The following MAGI1 variants were observed in gnomAD, a reference collection of about 807,000 sequenced individuals.
MAGI1 encodes the protein membrane associated guanylate kinase, WW and PDZ domain containing 1.
Under a neutral mutation model 139.9 loss-of-function variants are expected in MAGI1, and 58 were observed. That is an observed-to-expected ratio of 0.41 (90% CI 0.34 to 0.52). MAGI1 has a LOEUF of 0.52. Ranked by LOEUF, MAGI1 falls within the 20% of genes least tolerant of loss-of-function variation. The pLI is 0.12. For missense variants in MAGI1, 1,874 were observed against 1,901.6 expected, an observed-to-expected ratio of 0.99 and a Z score of 0.27; for synonymous variants, 812 against 737.9, an observed-to-expected ratio of 1.10 and a Z score of -1.63.
At chr3:65,671,141 A>G (rs1397860293) in intron 1 of MAGI1, among the ~76,000 whole-genome samples, 1 of 152,194 alleles carries the variant, frequency 6.6e-6, no homozygotes, top group Non-Finnish European at 1.5e-5. Context: ...CATTTTACAG[A>G]TGAGACAACT....
chr3:66,013,381 C>A (rs970492398), intron 1 of MAGI1, among the ~76,000 whole-genome samples: 1 of 128,368 alleles, frequency 7.8e-6, no homozygotes, highest in East Asian at 2.4e-4. Context: ...CCAGCCTGGG[C>A]AATACAGTGA....
intron 1 of MAGI1, among the ~76,000 whole-genome samples, chr3:65,953,501 C>G (rs1197244919): frequency 2.6e-5 from 4 of 152,194 alleles, no homozygotes; most frequent in Non-Finnish European, 4.4e-5. Context: ...ACACGGAAAC[C>G]TGGGTCCCTC....
At chr3:65,742,295 T>C (rs1434745488) in intron 1 of MAGI1, among the ~76,000 whole-genome samples, 2 of 152,120 alleles carry the variant, frequency 1.3e-5, no homozygotes, top group African/African-American at 2.4e-5. Context: ...AAGAAAAAAA[T>C]TCTTAGAACT....
chr3:65,775,706 G>A (rs565567484), intron 1 of MAGI1, among the ~76,000 whole-genome samples: 26 of 151,780 alleles, frequency 1.7e-4, no homozygotes, highest in East Asian at 1.4e-3. Context: ...TTTCAGAGGC[G>A]GAGGTGGGCG....
intron 1 of MAGI1, among the ~76,000 whole-genome samples, chr3:65,773,781 T>C (rs1166893144): frequency 6.6e-6 from 1 of 152,208 alleles, no homozygotes; most frequent in Non-Finnish European, 1.5e-5. Context: ...TCAGACTGCC[T>C]TGATTCGAGT....
At chr3:65,791,263 A>C (rs2039751841) in intron 1 of MAGI1, among the ~76,000 whole-genome samples, 1 of 152,160 alleles carries the variant, frequency 6.6e-6, no homozygotes, top group African/African-American at 2.4e-5. Context: ...TCCTCCTTCG[A>C]AGCTGAAAAA....
chr3:66,017,713 C>G (rs1189853382), intron 1 of MAGI1, among the ~76,000 whole-genome samples: 1 of 152,154 alleles, frequency 6.6e-6, no homozygotes, highest in African/African-American at 2.4e-5. Flanking sequence ...AGTAGAGAGG[C>G]ACTAAATCAA....
intron 1 of MAGI1, among the ~76,000 whole-genome samples, chr3:65,740,122 T>G (rs1362634917): frequency 6.6e-6 from 1 of 152,200 alleles, no homozygotes; most frequent in African/African-American, 2.4e-5. Context: ...TCAGTATGCA[T>G]GCGTACTCCC....
At chr3:65,424,615 C>A (rs756435072) in intron 12 of MAGI1, among the ~76,000 whole-genome samples, 1 of 152,108 alleles carries the variant, frequency 6.6e-6, no homozygotes, top group Non-Finnish European at 1.5e-5. Flanking sequence ...AATAGCAAGT[C>A]CCCTTTCTAT....
chr3:65,472,419 G>A (rs1254761719), intron 4 of MAGI1, among the ~76,000 whole-genome samples: 1 of 152,136 alleles, frequency 6.6e-6, no homozygotes, highest in African/African-American at 2.4e-5. Context: ...TAAGTACCCA[G>A]GTGATGAATA....
chr3:65,946,723 G>A (rs917009039), intron 1 of MAGI1, among the ~76,000 whole-genome samples: 4 of 152,118 alleles, frequency 2.6e-5, no homozygotes, highest in East Asian at 1.9e-4. Context: ...ACCAGCCTGC[G>A]CTGACTCCAG....
intron 1 of MAGI1, among the ~76,000 whole-genome samples, chr3:65,829,674 T>C (rs1168361451): frequency 6.6e-6 from 1 of 152,204 alleles, no homozygotes; most frequent in Non-Finnish European, 1.5e-5. Context: ...CAAATGTTTT[T>C]TAATAAGCAT....
intron 1 of MAGI1, among the ~76,000 whole-genome samples, chr3:65,878,055 A>G (rs2060182787): frequency 6.6e-6 from 1 of 152,016 alleles, no homozygotes; most frequent in African/African-American, 2.4e-5. Flanking sequence ...AAACTGCAGT[A>G]AGTCATCATC....
chr3:65,425,720 C>T (rs1026906604), intron 12 of MAGI1, among the ~76,000 whole-genome samples: 2 of 152,026 alleles, frequency 1.3e-5, no homozygotes, highest in African/African-American at 2.4e-5. Flanking sequence ...TTTCTTGAAA[C>T]GGAGTGTTGT....
At chr3:65,947,871 C>G (rs922409803) in intron 1 of MAGI1, among the ~76,000 whole-genome samples, 2 of 151,980 alleles carry the variant, frequency 1.3e-5, no homozygotes, top group African/African-American at 2.4e-5. Context: ...CCTGCCTCAG[C>G]CTCCCAAAGT....
chr3:65,815,427 A>T (rs2041538228), intron 1 of MAGI1, among the ~76,000 whole-genome samples: 1 of 151,976 alleles, frequency 6.6e-6, no homozygotes, highest in Non-Finnish European at 1.5e-5. Flanking sequence ...ATAAGAGCAG[A>T]CTCTATAGAT....
intron 2 of MAGI1, among the ~76,000 whole-genome samples, chr3:65,543,268 T>G (rs1303987375): frequency 6.6e-6 from 1 of 152,192 alleles, no homozygotes; most frequent in Non-Finnish European, 1.5e-5. Context: ...TTGGAGAGGA[T>G]GTAGACAAAC....
chr3:65,890,215 A>C (rs2060689848), intron 1 of MAGI1, among the ~76,000 whole-genome samples: 1 of 152,146 alleles, frequency 6.6e-6, no homozygotes, highest in Non-Finnish European at 1.5e-5. Flanking sequence ...ATACAAAAAA[A>C]TTAGCCGGGC....
intron 15 of MAGI1, among the ~76,000 whole-genome samples, chr3:65,382,725 T>C (rs926587231): frequency 6.6e-6 from 1 of 152,216 alleles, no homozygotes; most frequent in Admixed American, 6.5e-5. Flanking sequence ...GCTAAGAACA[T>C]GAACTCGAGT....
Sources: gnomAD v4.1 joint callset for allele counts (sites outside exome capture counted in the v4.1 genomes callset) on GRCh38, gnomAD v4.1.1 for gene constraint, MANE v1.5 for transcripts, NCBI Gene and HGNC (gene_info 2026-07-23, HGNC 2026-07-21) for gene names.